Variants in TTC28 observed in about 807,000 individuals in gnomAD.
The protein encoded by TTC28 is tetratricopeptide repeat domain 28, also known as tetratricopeptide repeat protein 28.
A neutral mutation model predicts 198.0 loss-of-function variants in TTC28; 61 were observed. The observed-to-expected ratio is 0.31, with a 90% CI of 0.25 to 0.38. The LOEUF (loss-of-function observed/expected upper bound fraction) is 0.38, where lower values mean the gene tolerates loss of function less well. Ranked by LOEUF, TTC28 falls within the 10% of genes least tolerant of loss-of-function variation. The pLI, the probability that TTC28 is intolerant of heterozygous loss-of-function variation, is 1.00. For synonymous variants in TTC28, 1,171 were observed against 1,297.8 expected (o/e 0.90, Z 2.10); for missense variants, 2,678 against 3,164.0 (o/e 0.85, Z 3.69).
At chr22:28,213,975 G>A (rs1415855239) in intron 5 of TTC28, among the ~76,000 whole-genome samples, 15 of 151,990 alleles carry the variant, frequency 9.9e-5, no homozygotes, top group African/African-American at 1.5e-4. Flanking sequence ...AAATAATGCC[G>A]CATATCTACA....
chr22:28,529,700 C>T (rs1184202838), intron 2 of TTC28, among the ~76,000 whole-genome samples: 1 of 152,136 alleles, frequency 6.6e-6, no homozygotes, highest in Non-Finnish European at 1.5e-5. Context: ...CCCTACGAGA[C>T]GAAGCTTCCA....
At chr22:28,636,394 T>C (rs1436864219) in intron 1 of TTC28, among the ~76,000 whole-genome samples, 2 of 152,168 alleles carry the variant, frequency 1.3e-5, no homozygotes, top group East Asian at 3.8e-4. Flanking sequence ...CCCAAAGTGC[T>C]GGGATTACAG....
intron 2 of TTC28, among the ~76,000 whole-genome samples, chr22:28,413,100 A>T (rs1165473574): frequency 1.3e-5 from 2 of 152,208 alleles, no homozygotes; most frequent in Non-Finnish European, 2.9e-5. Context: ...TGAAGAATCC[A>T]GGCATCGAAA....
At chr22:28,675,880 T>C (rs537117798) in intron 1 of TTC28, among the ~76,000 whole-genome samples, 1 of 150,418 alleles carries the variant, frequency 6.6e-6, no homozygotes, top group African/African-American at 2.4e-5. Context: ...AGGCCAGGAG[T>C]TCAAGATCAG....
At chr22:28,569,607 GA>G (rs911923730) in intron 2 of TTC28, among the ~76,000 whole-genome samples, 3 of 150,442 alleles carry the variant, frequency 2.0e-5, no homozygotes, top group Non-Finnish European at 3.0e-5. Context: ...AAAACCCATA[GA>G]AAAAAAAACC....
At chr22:28,161,901 A>AG (rs1404311083) in intron 6 of TTC28, among the ~76,000 whole-genome samples, 1 of 115,690 alleles carries the variant, frequency 8.6e-6, no homozygotes, top group African/African-American at 3.4e-5. Context: ...AAGGGAAGGA[A>AG]GGAGGGAGGG....
At chr22:28,460,607 GTAGATAGATAGATAGA>G (rs4035771) in intron 2 of TTC28, among the ~76,000 whole-genome samples, 11,790 of 144,606 alleles carry the variant, frequency 0.082, 533 homozygotes, top group South Asian at 0.13. Flanking sequence ...ATGATTAATG[GTAGATAGATAGATAGA>G]TAGATAGATA....
At chr22:28,545,912 C>T (rs909635704) in intron 2 of TTC28, among the ~76,000 whole-genome samples, 2 of 152,102 alleles carry the variant, frequency 1.3e-5, no homozygotes, top group Non-Finnish European at 2.9e-5. Context: ...ACAAATTAAT[C>T]AATAGAATTC....
intron 6 of TTC28, among the ~76,000 whole-genome samples, chr22:28,127,578 T>C (rs1942950408): frequency 6.6e-6 from 1 of 152,204 alleles, no homozygotes; most frequent in African/African-American, 2.4e-5. Flanking sequence ...CAAGACTTCG[T>C]ATGAGAAAAG....
At chr22:28,651,615 T>C (rs2051565415) in intron 1 of TTC28, among the ~76,000 whole-genome samples, 1 of 151,516 alleles carries the variant, frequency 6.6e-6, no homozygotes, top group Non-Finnish European at 1.5e-5. Context: ...AGTCACTTTG[T>C]TGTCCAGGCT....
At chr22:28,168,803 A>G (rs1467613538) in intron 5 of TTC28, among the ~76,000 whole-genome samples, 3 of 152,240 alleles carry the variant, frequency 2.0e-5, no homozygotes, top group Non-Finnish European at 4.4e-5. Context: ...AATGGCAACA[A>G]AAGCCAAAAT....
chr22:28,270,668 G>T (rs1255508005), intron 5 of TTC28, among the ~76,000 whole-genome samples: 1 of 151,976 alleles, frequency 6.6e-6, no homozygotes, highest in Non-Finnish European at 1.5e-5. Flanking sequence ...AAACTAAAGG[G>T]CAAAGATAGG....
chr22:28,338,830 C>T (rs913082137), intron 2 of TTC28, among the ~76,000 whole-genome samples: 1 of 152,144 alleles, frequency 6.6e-6, no homozygotes, highest in Non-Finnish European at 1.5e-5. Flanking sequence ...AAGTCTTCTT[C>T]TCTCAACTCG....
intron 2 of TTC28, among the ~76,000 whole-genome samples, chr22:28,622,027 A>C (rs2051008664): frequency 6.6e-6 from 1 of 152,150 alleles, no homozygotes. Flanking sequence ...GTCTAGACAT[A>C]ATATTTTAAA....
intron 5 of TTC28, among the ~76,000 whole-genome samples, chr22:28,167,302 A>T (rs1004535142): frequency 6.6e-6 from 1 of 152,220 alleles, no homozygotes; most frequent in African/African-American, 2.4e-5. Context: ...AAAAAGAGGG[A>T]ATCCTCCCTA....
chr22:28,618,303 T>C (rs2050934605), intron 2 of TTC28, among the ~76,000 whole-genome samples: 1 of 152,028 alleles, frequency 6.6e-6, no homozygotes, highest in Non-Finnish European at 1.5e-5. Context: ...AATCAATGGT[T>C]GTTATTTTAA....
chr22:28,572,495 A>G (rs1188608386), intron 2 of TTC28, among the ~76,000 whole-genome samples: 1 of 152,216 alleles, frequency 6.6e-6, no homozygotes, highest in Non-Finnish European at 1.5e-5. Context: ...ATCAAAGTAG[A>G]TGAATATTAA....
intron 2 of TTC28, among the ~76,000 whole-genome samples, chr22:28,473,044 A>T (rs537348270): frequency 6.6e-6 from 1 of 152,342 alleles, no homozygotes; most frequent in East Asian, 1.9e-4. Context: ...AAACACTATT[A>T]ATCTCATTGT....
At chr22:28,398,337 A>G (rs570693177) in intron 2 of TTC28, among the ~76,000 whole-genome samples, 21 of 152,348 alleles carry the variant, frequency 1.4e-4, no homozygotes, top group Admixed American at 7.2e-4. Context: ...TTCTGTGCTC[A>G]GGAGAGATGG....
Sources: gnomAD v4.1 joint callset for allele counts (sites outside exome capture counted in the v4.1 genomes callset) on GRCh38, gnomAD v4.1.1 for gene constraint, MANE v1.5 for transcripts, NCBI Gene and HGNC (gene_info 2026-07-23, HGNC 2026-07-21) for gene names.